The following MUC4 variants were observed in gnomAD, a reference collection of about 807,000 sequenced individuals.
MUC4 encodes mucin-4.
MUC4 carries 202 observed loss-of-function variants against 257.9 expected under a neutral mutation model. The observed-to-expected ratio is 0.78, with a 90% confidence interval of 0.70 to 0.88. The LOEUF is 0.88. Ranked by LOEUF, MUC4 falls within the 40% of genes least tolerant of loss-of-function variation. The pLI is 0.00. For missense variants in MUC4, 5,976 were observed against 6,513.7 expected, an observed-to-expected ratio of 0.92 and a Z score of 2.84; for synonymous variants, 2,351 against 2,757.1, an observed-to-expected ratio of 0.85 and a Z score of 4.62.
At chr3:195,766,615 A>C in intron 8 of MUC4, 48 bp downstream of exon 8, 1 of 1,547,674 alleles carries the variant, frequency 6.5e-7, no homozygotes, top group Non-Finnish European at 8.9e-7. Flanking sequence ...GCTGGAGGAC[A>C]CGCGAGGGCT....
At chr3:195,775,517 AT>A (rs1724298522) in intron 3 of MUC4, among the ~76,000 whole-genome samples, 1 of 126,730 alleles carries the variant, frequency 7.9e-6, no homozygotes, top group Admixed American at 7.4e-5. Context: ...TTCCACACCC[AT>A]ACCTTCCACA....
chr3:195,778,635 C>G (rs558536477), intron 2 of MUC4, among the ~76,000 whole-genome samples, 155 bp downstream of exon 2: 8 of 152,296 alleles, frequency 5.3e-5, no homozygotes, highest in African/African-American at 1.9e-4. Flanking sequence ...GGAGGGTGAG[C>G]CTGTCACCCA....
intron 14 of MUC4, 137 bp downstream of exon 14, chr3:195,761,950 C>A (rs946955741): frequency 3.7e-6 from 4 of 1,091,774 alleles, no homozygotes; most frequent in South Asian, 3.3e-5. Flanking sequence ...GCTCCCGGCC[C>A]GCTCTGTGCC....
intron 3 of MUC4, 127 bp downstream of exon 3, chr3:195,778,176 G>T: frequency 1.6e-6 from 2 of 1,264,072 alleles, no homozygotes; most frequent in Non-Finnish European, 2.1e-6. Flanking sequence ...CGACTCCGAT[G>T]CTGTGTCCCT....
rs1352961533 is a variant in MUC4 at position 195,765,326 on chromosome 3, C to G, written c.13742G>C (p.Cys4581Ser). Residue 4581 changes from cysteine (C) to serine (S), a missense_variant, in exon 9 of 25, where the codon TGC becomes TCC. Physicochemically the swap from Cys to Ser is moderately radical, Grantham distance 112. Coordinates refer to ENST00000463781, the MANE Select transcript of MUC4 (RefSeq NM_018406.7). ...TCGTCCCTGCTGCCAGGAACAAGGG[C>G]AGGAGACCTGGTTCCAGCCCCAGCT... ...WPSWGWNQVSCPCSWQQGRRD... is the reference protein window; with the variant it reads ...WPSWGWNQVSSPCSWQQGRRD... 6.2e-7 allele frequency: 1 copy of G among 1,613,738 alleles called. No homozygotes were observed. Among genetic ancestry groups the G allele is most frequent in the Admixed American group, 1.7e-5 (1 of 60,000 alleles).
chr3:195,781,156 A>G lies in MUC4; in HGVS notation c.10424T>C (p.Val3475Ala). The change falls in exon 2 of 25, where the codon GTC becomes GCC. Residue 3475 changes from valine to alanine, a missense_variant. Around this residue, in one of 44 missense-constraint regions of MUC4, gnomAD observed 297 missense variants for 240.9 expected, o/e 1.23. Coordinates refer to ENST00000463781, the MANE Select transcript of MUC4 (RefSeq NM_018406.7). ...ASTGDTTPLP[V>A]TSPSSASTGH... The stretch of plus-strand genomic sequence containing the variant: ...TGTAGATGCTGAGGAAGGGCTGGTG[A>G]CAGGAAGAGGGGTGGTGTCACCTGT... 3.4e-6 allele frequency: 5 copies of G among 1,483,956 alleles called. No individual in the cohort carries two copies. Among genetic ancestry groups the G allele is most frequent in the Non-Finnish European group, 3.6e-6 (4 of 1,107,684 alleles). The allele number at this position is 1,483,956 out of a possible 1,614,324, so 91.9% of individuals were successfully genotyped here.
At chr3:195,798,357 T>A (rs893217565) in intron 1 of MUC4, among the ~76,000 whole-genome samples, 11 of 152,140 alleles carry the variant, frequency 7.2e-5, no homozygotes, top group Admixed American at 3.9e-4. Flanking sequence ...TCAAAACCCA[T>A]AATCTTGCTA....
Position 195,778,837 on chromosome 3 carries a change from G to A in MUC4, c.12743C>T (p.Ser4248Leu), listed in dbSNP as rs766190178. 8 of 1,612,360 alleles carry A rather than the reference G, an allele frequency of 5.0e-6. No individual in the cohort carries two copies. In the East Asian group the frequency reaches 1.3e-4, roughly 27 times the overall value. ...ATPLAVSSAT[S>L]ASTVSSDSPL... ...GGAGTCCGAGGATACTGTGGAAGCT[G>A]AGGTAGCACTGCTGACAGCAAGAGG... Residue 4248 changes from serine (S) to leucine (L), a missense_variant, in exon 2 of 25, where the codon TCA (serine) becomes TTA (leucine). Physicochemically the swap from Ser to Leu is moderately radical, Grantham distance 145 (BLOSUM62 -2). Transcript: ENST00000463781.
At position 195,788,852 on chromosome 3, in the gene MUC4, T is replaced by C. The variant is rs56943541; in HGVS notation, c.2728A>G (p.Thr910Ala). Reference sequence around the variant, plus strand: ...CCTCTGCTGGTTCTTGTCCTCTGAGTCTGGGCCATCCGGGAAATGGCGGCT... The same window carrying C: ...CCTCTGCTGGTTCTTGTCCTCTGAGCCTGGGCCATCCGGGAAATGGCGGCT... The part of the protein sequence containing the change: ...ETAAISRMAQ[T>A]QRTRTSRGSD... Residue 910 changes from threonine to alanine, a missense_variant, in exon 2 of 25, where the codon ACT (threonine) becomes GCT (alanine). Transcript: ENST00000463781. The C allele has an allele frequency of 6.5e-3, 10,463 of 1,613,762 alleles. 157 individuals carry two copies. Among genetic ancestry groups the C allele is most frequent in the South Asian group, 0.04 (3,675 of 91,062 alleles).
rs1453002444 is a variant in MUC4, at chr3:195,770,845, G to A, written c.13243-474C>T. 4 of 458,540 alleles carry A rather than the reference G, an allele frequency of 8.7e-6. No individual in the cohort carries two copies. The East Asian group carries it at 2.1e-4, about 24-fold the overall frequency. The allele number at this position is 458,540 out of a possible 1,614,324, so 28.4% of individuals were successfully genotyped here. ...TCACCCAGTCCAGGAGCACAGGACG[G>A]GCCCTCTTGACTCACTCTTGTTAGG... On this transcript the variant is annotated intron_variant, in intron 5 of 24. Transcript: ENST00000463781.
rs767318129 is a variant in MUC4 at position 195,774,198 on chromosome 3, C to G, written c.13051G>C (p.Gly4351Arg). 1.9e-6 allele frequency: 3 copies of G among 1,608,046 alleles called. No individual in the cohort carries two copies. The South Asian group carries it at 3.3e-5, about 18-fold the overall frequency. Reference sequence around the variant, plus strand: ...TAGAGGGAATCACGGAGAGAGGAGCCAAGGGGGAAGCCAGTCGCCGGCTTG... The same window carrying G: ...TAGAGGGAATCACGGAGAGAGGAGCGAAGGGGGAAGCCAGTCGCCGGCTTG... ...LFKPATGFPL[G>R]SSLRDSLYFT... The change falls in exon 4 of 25, where the codon GGC becomes CGC. Residue 4351 changes from glycine to arginine, a missense_variant. Transcript: ENST00000463781.
chr3:195,781,762 G>T lies in MUC4; in HGVS notation c.9818C>A (p.Ala3273Glu), dbSNP rs199668450. ...AAGAGAGGTGGTGTCACCTGTGTAT[G>T]CTGAGGAAGTGTCGGTGACAGGAAG... The part of the protein sequence containing the change: ...TSLPVTDTSS[A>E]YTGDTTSLPV... Residue 3273 changes from alanine to glutamate, a missense_variant, in exon 2 of 25, where the codon GCA becomes GAA. By Grantham distance (107) the Ala-to-Glu change is moderately radical. Around this residue, in one of 44 missense-constraint regions of MUC4, gnomAD observed 51 missense variants for 66.9 expected, o/e 0.76. Coordinates refer to ENST00000463781, the MANE Select transcript of MUC4 (RefSeq NM_018406.7). 1.0e-5 allele frequency: 14 copies of T among 1,404,530 alleles called. No homozygotes were observed. In the South Asian group the frequency reaches 1.9e-4, roughly 19 times the overall value. 87.0% of individuals were successfully genotyped at this position (1,404,530 alleles called of 1,614,324 possible).
chr3:195,801,931 C>T (rs1361106846), intron 1 of MUC4, among the ~76,000 whole-genome samples: 1 of 152,094 alleles, frequency 6.6e-6, no homozygotes, highest in Non-Finnish European at 1.5e-5. Context: ...CTCCACTCCC[C>T]TTGCCACCTC....
chr3:195,790,393 A>G lies in MUC4; in HGVS notation c.1187T>C (p.Met396Thr), dbSNP rs747334720. Residue 396 changes from methionine to threonine, a missense_variant, in exon 2 of 25, where the codon ATG becomes ACG. Transcript: ENST00000463781. ...TFLVTSKVFR[M>T]PTSRDSTLGN... ...AAGAGTAGAGTCTCTGGAGGTTGGC[A>G]TTCTGAACACCTTTGATGTTACCAG... The G allele has an allele frequency of 2.5e-6, 4 of 1,613,800 alleles. No individual in the cohort carries two copies. Among genetic ancestry groups the G allele is most frequent in the South Asian group, 2.2e-5 (2 of 91,074 alleles).
rs1729770662 is a variant in MUC4, at chr3:195,783,902, A to AAAGAGG, written c.7677_7678insCCTCTT (p.Thr2559_Ser2560insProLeu). ...GCGGAAGTGTCGGTGACAGGAAGAGAGGTGGCGTGACCTGTGGATGCTGAG... is the reference window on the plus strand; with the variant it reads ...GCGGAAGTGTCGGTGACAGGAAGAGAAAGAGGGGTGGCGTGACCTGTGGATGCTGAG... On this transcript the variant is annotated inframe_insertion, in exon 2 of 25. Transcript: ENST00000463781. 1.6e-6 allele frequency: 2 copies of AAAGAGG among 1,233,220 alleles called. No individual in the cohort carries two copies. The highest frequency in any genetic ancestry group is 5.3e-5 in the Admixed American group (2 of 37,666). The allele number at this position is 1,233,220 out of a possible 1,614,324, so 76.4% of individuals were successfully genotyped here. A position where few individuals can be genotyped will look rare whatever the true frequency, so the allele number is the denominator to read the frequency against.
chr3:195,761,606 T>A, intron 14 of MUC4, 21 bp from the exon 15 acceptor site: 1 of 1,588,360 alleles, frequency 6.3e-7, no homozygotes, highest in Non-Finnish European at 8.6e-7. Context: ...GAGTGGGAGG[T>A]TGGCCACCCT....
At position 195,789,102 on chromosome 3, in the gene MUC4, C is replaced by T. The variant is rs758039772; in HGVS notation, c.2478G>A (p.Glu826=). 5 of 1,613,248 alleles carry T rather than the reference C, an allele frequency of 3.1e-6. No homozygotes were observed. In the South Asian group the frequency reaches 4.4e-5, roughly 14 times the overall value. ...SGSEGISTSG[E]TTRFSSNPSR... ...AGGGGTTTGATGAAAACCTTGTCGT[C>T]TCTCCTGAGGTGGATATTCCTTCGC... The change falls in exon 2 of 25, where the codon GAG becomes GAA. Residue 826 remains glutamate, a synonymous_variant. Coordinates refer to ENST00000463781, the MANE Select transcript of MUC4 (RefSeq NM_018406.7).
chr3:195,774,069 C>T (rs1481892327), intron 4 of MUC4, 103 bp downstream of exon 4: 2 of 1,373,636 alleles, frequency 1.5e-6, no homozygotes, highest in Non-Finnish European at 1.9e-6. Flanking sequence ...AGGGGCCCAG[C>T]CAAGGCTGCT....
intron 1 of MUC4, among the ~76,000 whole-genome samples, chr3:195,803,458 G>C (rs1274297029): frequency 1.3e-5 from 2 of 152,224 alleles, no homozygotes; most frequent in African/African-American, 4.8e-5. Flanking sequence ...TGCAAGCAGC[G>C]AGAGCCTCCG....
Sources: gnomAD v4.1 joint callset for allele counts (sites outside exome capture counted in the v4.1 genomes callset) on GRCh38, gnomAD v4.1.1 for gene constraint, gnomAD v4.1.1 regional missense constraint, MANE v1.5 for transcripts, NCBI Gene and HGNC (gene_info 2026-07-23, HGNC 2026-07-21) for gene names.